AACS: variants seen among roughly 807,000 people sequenced by gnomAD.
AACS encodes the protein acetoacetyl-CoA synthetase, also known as acetoacetate-CoA ligase.
Under a neutral mutation model 83.1 loss-of-function variants are expected in AACS, and 69 were observed. The ratio of observed to expected loss-of-function variants is 0.83; its 90% confidence interval spans 0.68 to 1.01. The LOEUF (loss-of-function observed/expected upper bound fraction) is 1.01. Ranked by LOEUF, AACS falls within the 50% of genes least tolerant of loss-of-function variation. The pLI is 0.00. For missense variants in AACS, 866 were observed against 882.2 expected (o/e 0.98, Z 0.23); for synonymous variants, 333 against 343.4 (o/e 0.97, Z 0.33).
At position 125,065,717 on chromosome 12, in the gene AACS, G is replaced by A. The variant is rs1369496251; in HGVS notation, c.133G>A (p.Glu45Lys). Residue 45 changes from glutamate to lysine, a missense_variant and splice_region_variant, in exon 1 of 18, where the codon GAG becomes AAG. By Grantham distance (56) the Glu-to-Lys change is moderately conservative. Coordinates refer to ENST00000316519, the MANE Select transcript of AACS (RefSeq NM_023928.5). ...AVGAACGLAL[E>K]SYDDLYHWSV... ...GGGCGCCGCCTGCGGCCTGGCGCTG[G>A]GTGAGAGTCGGGCGCGCGGCCGGGC... 5.2e-6 allele frequency: 8 copies of A among 1,530,886 alleles called. No homozygotes were observed. The highest frequency in any genetic ancestry group is 7.0e-6 in the Non-Finnish European group (8 of 1,139,108). 94.8% of individuals were successfully genotyped at this position (1,530,886 alleles called of 1,614,324 possible). A position where few individuals can be genotyped will look rare whatever the true frequency, so the allele number is the denominator to read the frequency against.
intron 3 of AACS, among the ~76,000 whole-genome samples, chr12:125,079,769 AT>A (rs1956123406): frequency 1.3e-5 from 2 of 151,844 alleles, no homozygotes; most frequent in African/African-American, 4.8e-5. Context: ...GGTTTTTAGC[AT>A]TTTTCAAGAG....
intron 3 of AACS, among the ~76,000 whole-genome samples, chr12:125,081,356 A>T (rs1956178795): frequency 6.6e-6 from 1 of 152,208 alleles, no homozygotes; most frequent in Admixed American, 6.5e-5. Context: ...AAGGACCCTT[A>T]TGCCAGTGAT....
intron 14 of AACS, among the ~76,000 whole-genome samples, chr12:125,132,506 T>G (rs1296235020): frequency 6.6e-6 from 1 of 152,064 alleles, no homozygotes; most frequent in African/African-American, 2.4e-5. Flanking sequence ...ATTCATAGAC[T>G]CAGTTTGCTG....
chr12:125,133,523 A>C (rs1463097576), intron 14 of AACS, among the ~76,000 whole-genome samples: 1 of 152,336 alleles, frequency 6.6e-6, no homozygotes, highest in East Asian at 1.9e-4. Flanking sequence ...GTTCAAGCCT[A>C]CATGACTCGG....
At chr12:125,076,387 GGAAGAAGAACCACTT>G in intron 2 of AACS, 89 bp from the exon 3 acceptor site, 3 of 1,502,490 alleles carry the variant, frequency 2.0e-6, no homozygotes, top group Non-Finnish European at 2.7e-6. Flanking sequence ...TGGCTTCCTG[GGAAGAAGAACCACTT>G]TTGCTGATTT....
Position 125,129,457 on chromosome 12 carries a change from C to T in AACS, c.1546C>T (p.Pro516Ser). The change falls in exon 14 of 18, where the codon CCA becomes TCA. Residue 516 changes from proline to serine, a missense_variant. By Grantham distance (74) the Pro-to-Ser change is moderately conservative. Coordinates refer to ENST00000316519, the MANE Select transcript of AACS (RefSeq NM_023928.5). This position sits in a 1 kb window ranked among gnomAD's most constrained non-coding sequence, Gnocchi z 4.3. ...KYRKAYFSKF[P>S]GIWAHGDYCR... is the part of the protein sequence containing the mutation. ...CAGGAAGGCGTATTTCTCCAAATTC[C>T]CAGGTCGGTTGGAGAGATGCAGACA... 1.2e-6 allele frequency: 2 copies of T among 1,613,300 alleles called. No homozygotes were observed. Among genetic ancestry groups the T allele is most frequent in the Non-Finnish European group, 1.7e-6 (2 of 1,179,588 alleles).
chr12:125,086,278 A>G, intron 3 of AACS, 52 bp from the exon 4 acceptor site: 1 of 1,532,652 alleles, frequency 6.5e-7, no homozygotes, highest in East Asian at 2.3e-5. Context: ...CTGGCTTGCA[A>G]CTTTTCTTTT....
chr12:125,098,316 G>A (rs578078919), intron 5 of AACS, among the ~76,000 whole-genome samples: 2 of 152,012 alleles, frequency 1.3e-5, no homozygotes, highest in East Asian at 1.9e-4. Flanking sequence ...CTGATCCTGA[G>A]CCCGGGAGGT....
intron 1 of AACS, among the ~76,000 whole-genome samples, chr12:125,073,314 A>G (rs1315956675): frequency 6.6e-6 from 1 of 152,176 alleles, no homozygotes; most frequent in African/African-American, 2.4e-5. Context: ...ACCTCCCAAC[A>G]TTATACTGGC....
At chr12:125,073,222 C>T (rs187810708) in intron 1 of AACS, among the ~76,000 whole-genome samples, 19 of 152,330 alleles carry the variant, frequency 1.2e-4, no homozygotes, top group Non-Finnish European at 2.5e-4. Flanking sequence ...GCCACCGCGT[C>T]TGGCCTCCAT....
At position 125,118,404 on chromosome 12, in the gene AACS, C is replaced by G. The variant is rs1041045237; in HGVS notation, c.997-237C>G. On this transcript the variant is annotated intron_variant, in intron 9 of 17. Coordinates refer to ENST00000316519, the MANE Select transcript of AACS (RefSeq NM_023928.5). ...TACATTGCTTTGTCTCTGTCACCAG[C>G]AAGGGTGCAACAGACATTCTGTGAC... 5.8e-6 allele frequency: 3 copies of G among 520,316 alleles called. No homozygotes were observed. In the South Asian group the frequency reaches 6.3e-5, roughly 11 times the overall value. The allele number at this position is 520,316 out of a possible 1,614,324, so 32.2% of individuals were successfully genotyped here. A position where few individuals can be genotyped will look rare whatever the true frequency, so the allele number is the denominator to read the frequency against.
chr12:125,098,436 T>C (rs1363147074), intron 5 of AACS, among the ~76,000 whole-genome samples: 1 of 151,692 alleles, frequency 6.6e-6, no homozygotes. Context: ...TTTCTTTTGT[T>C]CTGTTTTTCT....
At chr12:125,084,193 C>T (rs1956271516) in intron 3 of AACS, among the ~76,000 whole-genome samples, 1 of 151,698 alleles carries the variant, frequency 6.6e-6, no homozygotes, top group African/African-American at 2.4e-5. Flanking sequence ...GTGCAGGTGC[C>T]TGTAATCCCA....
At chr12:125,067,561 C>G (rs1955736776) in intron 1 of AACS, among the ~76,000 whole-genome samples, 1 of 150,538 alleles carries the variant, frequency 6.6e-6, no homozygotes, top group Non-Finnish European at 1.5e-5. Context: ...TTTTTTAAGC[C>G]TCGCTTTTCT....
At chr12:125,107,369 C>A in intron 8 of AACS, 101 bp downstream of exon 8, 1 of 1,478,372 alleles carries the variant, frequency 6.8e-7, no homozygotes, top group Non-Finnish European at 9.2e-7. Flanking sequence ...CAAACTGCAC[C>A]CCATCCCCGG....
chr12:125,089,423 G>A (rs144725497), intron 4 of AACS, among the ~76,000 whole-genome samples: 2 of 152,256 alleles, frequency 1.3e-5, no homozygotes, highest in East Asian at 3.9e-4. Context: ...ATGGCCCTTC[G>A]TCTCGTGACT....
rs200576289 is a variant in AACS at position 125,114,574 on chromosome 12, G to A, written c.996+17G>A. 457 of 1,607,172 alleles carry A rather than the reference G, an allele frequency of 2.8e-4. No homozygotes were observed. In the African/African-American group the frequency reaches 5.2e-3, roughly 18 times the overall value. ...TACACCACGGTAAGGGCTTCCCCAGGTGCTGGCCTGTGCTATACCACAATA... is the reference window on the plus strand; with the variant it reads ...TACACCACGGTAAGGGCTTCCCCAGATGCTGGCCTGTGCTATACCACAATA... On this transcript the variant is annotated intron_variant, in intron 9 of 17. Transcript: ENST00000316519.
intron 15 of AACS, 45 bp from the exon 16 acceptor site, chr12:125,134,749 C>T (rs763027033): frequency 2.2e-5 from 35 of 1,610,750 alleles, no homozygotes; most frequent in Admixed American, 3.3e-5. Context: ...GGACTTGCTT[C>T]ACTCCAGAGC....
rs367607312 is a variant in AACS, at chr12:125,086,926, C to G, written c.472+483C>G. Among the ~76,000 whole-genome samples, 37 of 151,972 alleles carry G rather than the reference C, an allele frequency of 2.4e-4. 1 individual carries two copies. The highest frequency in any genetic ancestry group is 8.0e-4 in the African/African-American group (33 of 41,382). On this transcript the variant is annotated intron_variant, in intron 4 of 17. Coordinates refer to ENST00000316519, the MANE Select transcript of AACS (RefSeq NM_023928.5). ...GTGAGGCAGGGCAGGAAAGGGCAGTCTGGGCAGCAGAAACGGCCTGTGAAA... is the reference window on the plus strand; with the variant it reads ...GTGAGGCAGGGCAGGAAAGGGCAGTGTGGGCAGCAGAAACGGCCTGTGAAA...
Sources: gnomAD v4.1 joint callset for allele counts (sites outside exome capture counted in the v4.1 genomes callset) on GRCh38, gnomAD v4.1.1 for gene constraint, Gnocchi (gnomAD v3.1) non-coding constraint, MANE v1.5 for transcripts, NCBI Gene and HGNC (gene_info 2026-07-23, HGNC 2026-07-21) for gene names.